Variants in BNC1 observed in about 807,000 individuals in gnomAD.
BNC1 encodes zinc finger protein basonuclin-1.
Under a neutral mutation model 66.5 loss-of-function variants are expected in BNC1, and 8 were observed. That is an observed-to-expected ratio of 0.12 (90% confidence interval 0.07 to 0.22). The LOEUF (loss-of-function observed/expected upper bound fraction) is 0.22, where lower values mean the gene tolerates loss of function less well. Among genes scored for constraint, BNC1 ranks in the 10% least tolerant of loss-of-function variants. The pLI is 1.00. For synonymous variants in BNC1, 454 were observed against 452.6 expected, an observed-to-expected ratio of 1.00 and a Z score of -0.04; for missense variants, 1,069 against 1,241.3, an observed-to-expected ratio of 0.86 and a Z score of 2.09.
In BNC1 at chr15:83,263,494, C is replaced by G. The variant is rs765965084; in HGVS notation, c.1757G>C (p.Arg586Thr). 1.3e-5 allele frequency: 21 copies of G among 1,614,132 alleles called. No homozygotes were observed. The East Asian group carries it at 2.7e-4, about 21-fold the overall frequency. ...CTGTACATGCTGCTCCTCAGATACTCTGTGTGACTGAGGACTGCAGGCCTC... is the reference window on the plus strand; with the variant it reads ...CTGTACATGCTGCTCCTCAGATACTGTGTGTGACTGAGGACTGCAGGCCTC... Reference protein sequence around the residue: ...EQEACSPQSHRVSEEQHVQSG... With the variant: ...EQEACSPQSHTVSEEQHVQSG... The change falls in exon 4 of 5, where the codon AGA becomes ACA. Residue 586 changes from arginine (R) to threonine (T), a missense_variant. Arg to Thr is a moderately conservative substitution (Grantham distance 71). Coordinates refer to ENST00000345382, the MANE Select transcript of BNC1 (RefSeq NM_001717.4).
chr15:83,269,798 T>C (rs1407094866), intron 1 of BNC1, among the ~76,000 whole-genome samples: 1 of 152,068 alleles, frequency 6.6e-6, no homozygotes, highest in African/African-American at 2.4e-5. Flanking sequence ...TTATTCACAA[T>C]AGCCAAAAAG....
intron 3 of BNC1, among the ~76,000 whole-genome samples, chr15:83,265,302 A>G (rs910308956): frequency 3.9e-5 from 6 of 152,230 alleles, no homozygotes; most frequent in Non-Finnish European, 8.8e-5. Flanking sequence ...AAACAAATGA[A>G]CTGTATTGAT....
In BNC1 at chr15:83,262,946, C is replaced by A. The variant is rs2038160840; in HGVS notation, c.2300+5G>T. On this transcript the variant is annotated splice_donor_5th_base_variant and intron_variant, in intron 4 of 4. Transcript: ENST00000345382. ...AGAAAAAATGATTGCCTACAGATGC[C>A]TTACCTGTCTCTGCTCCTGCGGGAG... is the stretch of plus-strand genomic sequence containing the variant. 6.3e-7 allele frequency: 1 copy of A among 1,598,258 alleles called. No individual in the cohort carries two copies. The highest frequency in any genetic ancestry group is 8.5e-7 in the Non-Finnish European group (1 of 1,171,946).
intron 1 of BNC1, chr15:83,283,094 C>G (rs1229746306): frequency 1.3e-6 from 2 of 1,527,634 alleles, no homozygotes; most frequent in Non-Finnish European, 1.8e-6. Context: ...CACACAACTT[C>G]ACTCACACAA....
chr15:83,283,408 C>T, intron 1 of BNC1: 3 of 1,248,928 alleles, frequency 2.4e-6, no homozygotes, highest in Non-Finnish European at 3.0e-6. Context: ...CTTCTCCGCC[C>T]GCGGCCCCCA....
intron 1 of BNC1, among the ~76,000 whole-genome samples, chr15:83,271,093 T>C (rs995546639): frequency 2.0e-5 from 3 of 152,098 alleles, no homozygotes; most frequent in African/African-American, 7.2e-5. Context: ...CTGTCCAACA[T>C]AGTGAAACCC....
Position 83,263,763 on chromosome 15 carries a change from G to A in BNC1, c.1488C>T (p.Ala496=), listed in dbSNP as rs372547308. The part of the protein sequence containing the change: ...QPVLPFYRSP[A]TPAEVANTPG... ...GCGTGTTTGCTACCTCGGCAGGCGT[G>A]GCTGGACTGCGGTAGAAAGGAAGGA... Residue 496 remains alanine, a synonymous_variant, in exon 4 of 5, where the codon GCC becomes GCT. Transcript: ENST00000345382. The A allele has an allele frequency of 5.6e-6, 9 of 1,614,086 alleles. No homozygotes were observed. The highest frequency in any genetic ancestry group is 7.6e-6 in the Non-Finnish European group (9 of 1,180,046).
rs765511004 is a variant in BNC1, at chr15:83,263,940, G to A, written c.1311C>T (p.Asn437=). 4 of 1,614,110 alleles carry A rather than the reference G, an allele frequency of 2.5e-6. No homozygotes were observed. Among genetic ancestry groups the A allele is most frequent in the East Asian group, 2.2e-5 (1 of 44,890 alleles). The change falls in exon 4 of 5, where the codon AAC becomes AAT. Residue 437 remains asparagine, a synonymous_variant. Transcript: ENST00000345382. ...RNSLNLASSE[N]YKCPGFTVTS... Reference sequence around the variant, plus strand: ...TCACTGTGAAACCTGGGCACTTGTAGTTCTCAGAGCTGGCCAGGTTCAGGC... The same window carrying A: ...TCACTGTGAAACCTGGGCACTTGTAATTCTCAGAGCTGGCCAGGTTCAGGC...
chr15:83,257,119 T>C lies in BNC1; in HGVS notation c.*323A>G, dbSNP rs528231407. The C allele has an allele frequency of 1.1e-5, 4 of 354,422 alleles. No homozygotes were observed. Among genetic ancestry groups the C allele is most frequent in the African/African-American group, 8.5e-5 (4 of 47,234 alleles). The allele number at this position is 354,422 out of a possible 1,614,324, so 22.0% of individuals were successfully genotyped here. ...CTCATTTAAAGCCACCCCCAGGTCC[T>C]GGGCCCACTGGTGTCGATCTGCAGA... On this transcript the variant is annotated 3_prime_UTR_variant, in exon 5 of 5. Coordinates refer to ENST00000345382, the MANE Select transcript of BNC1 (RefSeq NM_001717.4).
chr15:83,277,511 A>G (rs2151439811), intron 1 of BNC1, among the ~76,000 whole-genome samples: 1 of 152,192 alleles, frequency 6.6e-6, no homozygotes, highest in South Asian at 2.1e-4. Flanking sequence ...GGGTTTCACC[A>G]TGTTAGTCAG....
At chr15:83,265,959 T>C (rs969526550) in intron 3 of BNC1, among the ~76,000 whole-genome samples, 1 of 152,214 alleles carries the variant, frequency 6.6e-6, no homozygotes, top group Admixed American at 6.5e-5. Context: ...TCGCCTCCCA[T>C]TTCATTGAAA....
intron 4 of BNC1, among the ~76,000 whole-genome samples, chr15:83,261,314 A>G (rs781543514): frequency 6.6e-6 from 1 of 152,186 alleles, no homozygotes; most frequent in Admixed American, 6.5e-5. Flanking sequence ...CCTGTGCTCT[A>G]TCCTCTTTGC....
At chr15:83,269,853 A>T (rs1411832164) in intron 1 of BNC1, among the ~76,000 whole-genome samples, 1 of 152,220 alleles carries the variant, frequency 6.6e-6, no homozygotes, top group East Asian at 1.9e-4. Context: ...AGATAAACAA[A>T]ATGTGATATA....
intron 4 of BNC1, among the ~76,000 whole-genome samples, chr15:83,261,258 C>T (rs2038137561): frequency 6.6e-6 from 1 of 152,176 alleles, no homozygotes. Flanking sequence ...GTTCAACATC[C>T]TATCAGTAGA....
intron 1 of BNC1, among the ~76,000 whole-genome samples, chr15:83,274,307 C>G (rs2038297818): frequency 6.6e-6 from 1 of 152,156 alleles, no homozygotes; most frequent in African/African-American, 2.4e-5. Context: ...ATGGTGTGAA[C>G]CTGGGAGGCG....
chr15:83,271,035 G>A (rs980405070), intron 1 of BNC1, among the ~76,000 whole-genome samples: 3 of 152,102 alleles, frequency 2.0e-5, no homozygotes, highest in East Asian at 1.9e-4. Flanking sequence ...TAGCATTCTG[G>A]GAGGCCGAGG....
chr15:83,283,755 G>A (rs1021878395), intron 1 of BNC1, among the ~76,000 whole-genome samples: 7 of 152,224 alleles, frequency 4.6e-5, no homozygotes, highest in Non-Finnish European at 8.8e-5. Context: ...GCGCGGAGCC[G>A]CGACAAGGAC....
At chr15:83,283,891 G>A (rs1490004799) in intron 1 of BNC1, among the ~76,000 whole-genome samples, 1 of 152,162 alleles carries the variant, frequency 6.6e-6, no homozygotes, top group Non-Finnish European at 1.5e-5. Context: ...TTTTGTTCTT[G>A]TGGGTTTGTT....
At chr15:83,272,359 T>TA (rs1369800300) in intron 1 of BNC1, among the ~76,000 whole-genome samples, 2 of 151,716 alleles carry the variant, frequency 1.3e-5, no homozygotes, top group Non-Finnish European at 2.9e-5. Context: ...GCCTCCTGAG[T>TA]AGTTGGTATT....
Sources: gnomAD v4.1 joint callset for allele counts (sites outside exome capture counted in the v4.1 genomes callset) on GRCh38, gnomAD v4.1.1 for gene constraint, MANE v1.5 for transcripts, NCBI Gene and HGNC (gene_info 2026-07-23, HGNC 2026-07-21) for gene names.